The following ARHGEF18 variants were observed in gnomAD, a reference collection of about 807,000 sequenced individuals.
The protein encoded by ARHGEF18 is rho guanine nucleotide exchange factor 18.
Under a neutral mutation model 155.7 loss-of-function variants are expected in ARHGEF18, and 93 were observed. The observed-to-expected ratio is 0.60, with a 90% CI of 0.50 to 0.71. ARHGEF18 has a LOEUF of 0.71. Ranked by LOEUF, ARHGEF18 falls within the 30% of genes least tolerant of loss-of-function variation. The pLI, the probability that ARHGEF18 is intolerant of heterozygous loss-of-function variation, is 0.00. For missense variants in ARHGEF18, 1,593 were observed against 1,816.1 expected (o/e 0.88, Z 2.23); for synonymous variants, 742 against 753.1 (o/e 0.99, Z 0.24).
At chr19:7,439,634 C>G in intron 10 of ARHGEF18, 1 of 1,091,602 alleles carries the variant, frequency 9.2e-7, no homozygotes, top group Non-Finnish European at 1.1e-6. Context: ...ATCGGAGCCT[C>G]GCGTCCACTT....
Position 7,458,577 on chromosome 19 carries a change from A to T in ARHGEF18, c.2247A>T (p.Lys749Asn), listed in dbSNP as rs777239382. 6.2e-7 allele frequency: 1 copy of T among 1,614,112 alleles called. No homozygotes were observed. The highest frequency in any genetic ancestry group is 1.1e-5 in the South Asian group (1 of 91,082). The part of the protein sequence containing the change: ...LIVREVANEE[K>N]AMFLISASLQ... ...TGAGGGAAGTGGCCAACGAGGAGAAAGCGATGTTTCTGATCAGCGCCTCCT... is the reference window on the plus strand; with the variant it reads ...TGAGGGAAGTGGCCAACGAGGAGAATGCGATGTTTCTGATCAGCGCCTCCT... The change falls in exon 19 of 29, where the codon AAA becomes AAT. Residue 749 changes from lysine (K) to asparagine (N), a missense_variant. By Grantham distance (94) the Lys-to-Asn change is moderately conservative. Coordinates refer to ENST00000668164, the MANE Select transcript of ARHGEF18 (RefSeq NM_001367823.1).
chr19:7,433,092 T>G lies in ARHGEF18; in HGVS notation c.968-7252T>G, dbSNP rs866683966. Among the ~76,000 whole-genome samples the G allele has an allele frequency of 2.6e-5, 4 of 151,252 alleles. No homozygotes were observed. In the Middle Eastern group the frequency reaches 0.01, roughly 388 times the overall value. On this transcript the variant is annotated intron_variant, in intron 10 of 28. Transcript: ENST00000668164. ...TGGAGGATCCCTTGAGCCCAGGAAT[T>G]GGAGGCTTCAGTGAGCTGTGATCAT... is the stretch of plus-strand genomic sequence containing the variant.
intron 10 of ARHGEF18, among the ~76,000 whole-genome samples, chr19:7,427,332 C>T (rs1172381983): frequency 6.6e-6 from 1 of 152,108 alleles, no homozygotes; most frequent in Admixed American, 6.6e-5. Context: ...TGTGTCCAGG[C>T]ATTGTCCAGA....
At chr19:7,478,487 C>T in the ARHGEF18 span, 207 of 1,139,672 alleles carry the variant, frequency 1.8e-4, no homozygotes, top group Admixed American at 3.8e-3. Context: ...CTCGGATAAA[C>T]GGCCTGCCCT....
rs1970824045 is a variant in ARHGEF18 at position 7,383,089 on chromosome 19, A to G, written c.853A>G (p.Lys285Glu). The change falls in exon 10 of 29, where the codon AAG becomes GAG. Residue 285 changes from lysine to glutamate, a missense_variant. Physicochemically the swap from Lys to Glu is moderately conservative, Grantham distance 56. Transcript: ENST00000668164. ...KGKSPAHLKD[K>E]GQDARERREC... ...GAAGAGCCCAGCACATCTGAAGGAC[A>G]AGGGCCAGGATGCACGAGAGAGGCG... 8.1e-7 allele frequency: 1 copy of G among 1,232,372 alleles called. No homozygotes were observed. Among genetic ancestry groups the G allele is most frequent in the Admixed American group, 4.2e-5 (1 of 23,692 alleles). The allele number at this position is 1,232,372 out of a possible 1,614,324, so 76.3% of individuals were successfully genotyped here.
At chr19:7,413,294 C>CTTTTTTTTTTTTTTTTT (rs71179106) in intron 10 of ARHGEF18, among the ~76,000 whole-genome samples, 1 of 138,290 alleles carries the variant, frequency 7.2e-6, no homozygotes, top group African/African-American at 2.7e-5. Context: ...AAACAAAAAG[C>CTTTTTTTTTTTTTTTTT]TTTTTTTTTT....
chr19:7,450,941 C>T (rs36130561), intron 15 of ARHGEF18, among the ~76,000 whole-genome samples: 7 of 152,202 alleles, frequency 4.6e-5, no homozygotes, highest in African/African-American at 1.2e-4. Flanking sequence ...TGTCCGTTTC[C>T]GAGATGTTAA....
Position 7,376,550 on chromosome 19 carries a change from G to T in ARHGEF18, c.427-93G>T, listed in dbSNP as rs1970469584. On this transcript the variant is annotated intron_variant, in intron 4 of 28. Coordinates refer to ENST00000668164, the MANE Select transcript of ARHGEF18 (RefSeq NM_001367823.1). ...TGTGTCACCCCATTTCTGTGGAGGT[G>T]GCCCTGGCTGTGGGTTGGGCCCCTC... The T allele has an allele frequency of 6.0e-6, 4 of 661,940 alleles. No homozygotes were observed. In the Admixed American group the frequency reaches 1.3e-4, roughly 22 times the overall value. The allele number at this position is 661,940 out of a possible 1,614,324, so 41.0% of individuals were successfully genotyped here.
At chr19:7,472,480 C>T (rs772289415), downstream of ARHGEF18, 13 of 161,374 alleles carry the variant, frequency 8.1e-5, no homozygotes, top group Non-Finnish European at 1.7e-4. Flanking sequence ...CCGAGATGAG[C>T]GGTGACTGGC....
intron 10 of ARHGEF18, among the ~76,000 whole-genome samples, chr19:7,438,038 C>A (rs1600438992): frequency 9.0e-6 from 1 of 111,708 alleles, no homozygotes; most frequent in East Asian, 3.5e-4. Context: ...CCCCTCTCCT[C>A]TTCTCTCCTC....
chr19:7,436,892 C>G (rs1009978925), intron 10 of ARHGEF18, among the ~76,000 whole-genome samples: 2 of 152,146 alleles, frequency 1.3e-5, no homozygotes, highest in African/African-American at 4.8e-5. Flanking sequence ...TCTCCTATAA[C>G]AATAGTAATT....
intron 13 of ARHGEF18, among the ~76,000 whole-genome samples, chr19:7,443,990 G>T (rs1410772708): frequency 1.3e-5 from 2 of 152,030 alleles, no homozygotes; most frequent in Non-Finnish European, 2.9e-5. Flanking sequence ...GGAGGCCCAG[G>T]GTTCTCTCCT....
downstream of ARHGEF18, among the ~76,000 whole-genome samples, chr19:7,474,090 G>A (rs535611477): frequency 1.3e-5 from 2 of 152,024 alleles, no homozygotes; most frequent in East Asian, 3.9e-4. Context: ...TGTAATCCCA[G>A]CACTTTGGGA....
chr19:7,381,690 ATAAT>A (rs1970747087), intron 8 of ARHGEF18, among the ~76,000 whole-genome samples: 1 of 128,118 alleles, frequency 7.8e-6, no homozygotes, highest in Non-Finnish European at 1.5e-5. Flanking sequence ...AAATAAATAA[ATAAT>A]AAATAAATAA....
At position 7,447,104 on chromosome 19, in the gene ARHGEF18, A is replaced by G. The variant is rs747101090; in HGVS notation, c.1673A>G (p.Asn558Ser). 23 of 1,613,842 alleles carry G rather than the reference A, an allele frequency of 1.4e-5. No homozygotes were observed. Among genetic ancestry groups the G allele is most frequent in the African/African-American group, 9.3e-5 (7 of 74,946 alleles). ...TACGGTGTGTTTTGTAGTGGCCACA[A>G]TGAAGCTGTTAGTCATTACAAGTTG... The part of the protein sequence containing the change: ...EKYGVFCSGH[N>S]EAVSHYKLLL... The change falls in exon 15 of 29, where the codon AAT becomes AGT. Residue 558 changes from asparagine to serine, a missense_variant. Coordinates refer to ENST00000668164, the MANE Select transcript of ARHGEF18 (RefSeq NM_001367823.1).
intron 1 of ARHGEF18, among the ~76,000 whole-genome samples, chr19:7,354,358 C>A (rs1969230705): frequency 6.6e-6 from 1 of 151,942 alleles, no homozygotes; most frequent in Non-Finnish European, 1.5e-5. Flanking sequence ...GTTATCCCAG[C>A]ACTTTGGGAG....
chr19:7,463,020 G>A lies in ARHGEF18; in HGVS notation c.2635+686G>A, dbSNP rs150651633. 7.8e-4 allele frequency among the ~76,000 whole-genome samples: 119 copies of A among 152,070 alleles called. 2 individuals carry two copies. The highest frequency in any genetic ancestry group is 3.4e-3 in the Middle Eastern group (1 of 294). ...AGCTAATTTTTGTATTTTTCGTAGA[G>A]ATGGGGTTTCACCATGTTGGCCAGG... On this transcript the variant is annotated intron_variant, in intron 21 of 28. Transcript: ENST00000668164. This position sits in a 1 kb window ranked among gnomAD's most constrained non-coding sequence, Gnocchi z 5.2.
intron 2 of ARHGEF18, among the ~76,000 whole-genome samples, chr19:7,365,060 C>A (rs2145362506): frequency 6.6e-6 from 1 of 152,276 alleles, no homozygotes; most frequent in South Asian, 2.1e-4. Flanking sequence ...TACGGTTAAG[C>A]CATAAAGGGC....
the ARHGEF18 span, among the ~76,000 whole-genome samples, chr19:7,477,992 A>T: frequency 2.8e-4 from 43 of 152,254 alleles, no homozygotes; most frequent in Non-Finnish European, 5.7e-4. Flanking sequence ...ACTGTGCTCC[A>T]GCCTGGGCAA....
Sources: gnomAD v4.1 joint callset for allele counts (sites outside exome capture counted in the v4.1 genomes callset) on GRCh38, gnomAD v4.1.1 for gene constraint, Gnocchi (gnomAD v3.1) non-coding constraint, MANE v1.5 for transcripts, NCBI Gene and HGNC (gene_info 2026-07-23, HGNC 2026-07-21) for gene names.